The following TSC22D1 variants were observed in gnomAD, a reference collection of about 807,000 sequenced individuals.
The protein encoded by TSC22D1 is TSC22 domain family member 1, also known as TSC22 domain family protein 1.
TSC22D1 carries 9 observed loss-of-function variants against 74.2 expected under a neutral mutation model. The ratio of observed to expected loss-of-function variants is 0.12; its 90% confidence interval spans 0.07 to 0.21. TSC22D1 has a LOEUF of 0.21. Ranked by LOEUF, TSC22D1 falls within the 10% of genes least tolerant of loss-of-function variation. TSC22D1 has a pLI of 1.00. For missense variants in TSC22D1, 1,427 were observed against 1,304.7 expected, an observed-to-expected ratio of 1.09 and a Z score of -1.44; for synonymous variants, 586 against 492.5, an observed-to-expected ratio of 1.19 and a Z score of -2.51.
At position 44,482,333 on chromosome 13, in the gene TSC22D1, G is replaced by A. The variant is rs1370989805; in HGVS notation, c.2913-46238C>T. ...GTGGATCACCTGAGGTCAGGAGTTC[G>A]AGACCAGTCTGGCCCACATGGCAAA... On this transcript the variant is annotated intron_variant, in intron 1 of 2. Transcript: ENST00000458659. 3.3e-5 allele frequency among the ~76,000 whole-genome samples: 5 copies of A among 152,202 alleles called. No homozygotes were observed. The East Asian group carries it at 5.8e-4, about 18-fold the overall frequency.
intron 1 of TSC22D1, among the ~76,000 whole-genome samples, chr13:44,492,155 C>T (rs894329610): frequency 6.7e-6 from 1 of 149,854 alleles, no homozygotes; most frequent in African/African-American, 2.5e-5. Context: ...ATAAACCCAT[C>T]ATATGTTAAA....
At chr13:44,549,776 G>GAAAAAAAAAA (rs1305063154) in intron 1 of TSC22D1, among the ~76,000 whole-genome samples, 1 of 67,946 alleles carries the variant, frequency 1.5e-5, no homozygotes. Flanking sequence ...CAAAAAAAAA[G>GAAAAAAAAAA]AAAAAAAAAA....
intron 1 of TSC22D1, among the ~76,000 whole-genome samples, chr13:44,443,349 G>GAA (rs954351567): frequency 4.0e-5 from 6 of 151,848 alleles, no homozygotes; most frequent in Non-Finnish European, 8.8e-5. Flanking sequence ...TATGCCCAGT[G>GAA]AAAACATCTT....
rs1883453667 is a variant in TSC22D1 at position 44,567,489 on chromosome 13, A to C, written c.2912+5674T>G. ...AGTAAGAAAATAAAACCTAGAGGAA[A>C]CACCACATAGAAAGAAAAAAAAAAC... is the stretch of plus-strand genomic sequence containing the variant. On this transcript the variant is annotated intron_variant, in intron 1 of 2. Coordinates refer to ENST00000458659, the MANE Select transcript of TSC22D1 (RefSeq NM_183422.4). 2.0e-5 allele frequency among the ~76,000 whole-genome samples: 3 copies of C among 151,912 alleles called. No homozygotes were observed. The South Asian group carries it at 6.2e-4, about 31-fold the overall frequency.
At chr13:44,524,848 T>C (rs991205731) in intron 1 of TSC22D1, among the ~76,000 whole-genome samples, 1 of 152,094 alleles carries the variant, frequency 6.6e-6, no homozygotes, top group Non-Finnish European at 1.5e-5. Context: ...ACTTCCATGA[T>C]TTTTAACTCC....
intron 1 of TSC22D1, among the ~76,000 whole-genome samples, chr13:44,441,332 T>C (rs1214109017): frequency 6.6e-6 from 1 of 152,222 alleles, no homozygotes; most frequent in African/African-American, 2.4e-5. Context: ...GATAGGTGTA[T>C]GATAGATCTA....
At chr13:44,570,485 C>CACGGCCTGACATTAAG (rs1883685453) in intron 1 of TSC22D1, among the ~76,000 whole-genome samples, 1 of 152,186 alleles carries the variant, frequency 6.6e-6, no homozygotes, top group Non-Finnish European at 1.5e-5. Context: ...AGCCACCGCA[C>CACGGCCTGACATTAAG]ACGGCCTGAC....
At chr13:44,548,959 ATTTG>A (rs1882013742) in intron 1 of TSC22D1, among the ~76,000 whole-genome samples, 1 of 152,190 alleles carries the variant, frequency 6.6e-6, no homozygotes, top group South Asian at 2.1e-4. Context: ...TTAAGTCACC[ATTTG>A]TTATAAGCAT....
intron 1 of TSC22D1, among the ~76,000 whole-genome samples, chr13:44,456,845 G>A (rs908063509): frequency 5.9e-5 from 9 of 152,140 alleles, no homozygotes; most frequent in African/African-American, 1.4e-4. Flanking sequence ...TACCAAAAAG[G>A]TTAATACAGG....
At chr13:44,481,612 T>C (rs1878181128) in intron 1 of TSC22D1, among the ~76,000 whole-genome samples, 1 of 152,206 alleles carries the variant, frequency 6.6e-6, no homozygotes, top group African/African-American at 2.4e-5. Context: ...TCAGGAACAA[T>C]ACTCGGTGCT....
At chr13:44,533,786 G>GAACA (rs144471143) in intron 1 of TSC22D1, among the ~76,000 whole-genome samples, 39 of 151,958 alleles carry the variant, frequency 2.6e-4, no homozygotes, top group Non-Finnish European at 4.1e-4. Flanking sequence ...CTTGTCTCCA[G>GAACA]AACAAACAAA....
chr13:44,465,600 G>A (rs1388358422), intron 1 of TSC22D1, among the ~76,000 whole-genome samples: 1 of 152,192 alleles, frequency 6.6e-6, no homozygotes, highest in Non-Finnish European at 1.5e-5. Context: ...AGCAATCAGA[G>A]CATTGGAGAA....
At chr13:44,444,597 G>T (rs768076258) in intron 1 of TSC22D1, among the ~76,000 whole-genome samples, 4 of 151,880 alleles carry the variant, frequency 2.6e-5, no homozygotes, top group African/African-American at 4.8e-5. Flanking sequence ...AATGATAAAA[G>T]GTCGATTTTA....
chr13:44,462,429 A>G (rs9595128), intron 1 of TSC22D1, among the ~76,000 whole-genome samples: 54,345 of 152,048 alleles, frequency 0.36, 10,054 homozygotes, highest in Non-Finnish European at 0.41. Context: ...CAAAAGAAAG[A>G]AGTACTGATA....
intron 1 of TSC22D1, among the ~76,000 whole-genome samples, chr13:44,509,950 C>CAAAAAAAAAAAAAAAAAAAACAA (rs1879617459): frequency 3.9e-5 from 2 of 51,426 alleles, no homozygotes; most frequent in African/African-American, 7.5e-5. Context: ...AGAAAATAAG[C>CAAAAAAAAAAAAAAAAAAAACAA]AAAAAAAAAA....
intron 1 of TSC22D1, among the ~76,000 whole-genome samples, chr13:44,549,456 C>T (rs1483876174): frequency 6.6e-6 from 1 of 152,108 alleles, no homozygotes; most frequent in East Asian, 1.9e-4. Context: ...AGCCTTAGGG[C>T]CCATTTCAGC....
intron 1 of TSC22D1, among the ~76,000 whole-genome samples, chr13:44,485,474 T>A (rs529855251): frequency 2.0e-5 from 3 of 152,256 alleles, no homozygotes; most frequent in African/African-American, 7.2e-5. Context: ...ATCCCATACA[T>A]AACAAATATT....
At chr13:44,473,603 ATATG>A (rs981285841) in intron 1 of TSC22D1, among the ~76,000 whole-genome samples, 5 of 12,310 alleles carry the variant, frequency 4.1e-4, no homozygotes, top group African/African-American at 1.2e-3. Context: ...GAAGCAGTAT[ATATG>A]TGTGTGTGTG....
Position 44,573,715 on chromosome 13 carries a change from T to C in TSC22D1, c.2360A>G (p.Gln787Arg). Residue 787 changes from glutamine to arginine, a missense_variant, in exon 1 of 3, where the codon CAA becomes CGA. By Grantham distance (43) the Gln-to-Arg change is conservative. This residue lies in a region of TSC22D1 where 1,343 missense variants were observed against 1,191.5 expected (regional missense o/e 1.13). Transcript: ENST00000458659. ...VQTSAPSLPQ[Q>R]LVIASQSSLL... is the part of the protein sequence containing the mutation. ...GGAACTTTGGGATGCAATAACCAATTGTTGAGGAAGGCTTGGAGCACTAGT... is the reference window on the plus strand; with the variant it reads ...GGAACTTTGGGATGCAATAACCAATCGTTGAGGAAGGCTTGGAGCACTAGT... 1 of 1,614,168 alleles carries C rather than the reference T, an allele frequency of 6.2e-7. No individual in the cohort carries two copies. The highest frequency in any genetic ancestry group is 8.5e-7 in the Non-Finnish European group (1 of 1,180,024).
Sources: gnomAD v4.1 joint callset for allele counts (sites outside exome capture counted in the v4.1 genomes callset) on GRCh38, gnomAD v4.1.1 for gene constraint, gnomAD v4.1.1 regional missense constraint, MANE v1.5 for transcripts, NCBI Gene and HGNC (gene_info 2026-07-23, HGNC 2026-07-21) for gene names.